Variants in L3MBTL1 observed in about 807,000 individuals in gnomAD.
L3MBTL1 encodes the protein lethal(3)malignant brain tumor-like protein 1.
L3MBTL1 carries 75 observed loss-of-function variants against 105.3 expected under a neutral mutation model. The observed-to-expected ratio is 0.71, with a 90% confidence interval of 0.59 to 0.86. The LOEUF is 0.86. L3MBTL1 is among the 40% of genes least tolerant of loss of function. The probability of loss-of-function intolerance (pLI) is 0.00; values close to 1 mark genes in which losing one functional copy is unlikely to be tolerated. For synonymous variants in L3MBTL1, 452 were observed against 436.2 expected (o/e 1.04, Z -0.45); for missense variants, 1,069 against 1,126.4 (o/e 0.95, Z 0.73).
intron 1 of L3MBTL1, among the ~76,000 whole-genome samples, chr20:43,511,714 G>A (rs1290799234): frequency 1.3e-5 from 2 of 150,340 alleles, no homozygotes; most frequent in Non-Finnish European, 2.9e-5. Flanking sequence ...CTGGGAGGCA[G>A]AGGTTGCAGT....
chr20:43,528,566 G>C lies in L3MBTL1; in HGVS notation c.863-91G>C, dbSNP rs1294032208. ...TGAACACAGACAAAGATTTGTTTTG[G>C]GGGTGAAGGTAGAGCTTGGTCAGGG... On this transcript the variant is annotated intron_variant, in intron 7 of 21. Coordinates refer to ENST00000418998, the MANE Select transcript of L3MBTL1 (RefSeq NM_001377303.1). 9.0e-6 allele frequency: 8 copies of C among 890,340 alleles called. 1 individual carries two copies. The South Asian group carries it at 1.1e-4, about 12-fold the overall frequency. The allele number at this position is 890,340 out of a possible 1,614,324, so 55.2% of individuals were successfully genotyped here. A position where few individuals can be genotyped will look rare whatever the true frequency, so the allele number is the denominator to read the frequency against.
In L3MBTL1 at chr20:43,541,193, A is replaced by G. The variant is rs1207830501; in HGVS notation, c.*65A>G. 1.3e-6 allele frequency: 2 copies of G among 1,566,162 alleles called. No homozygotes were observed. Among genetic ancestry groups the G allele is most frequent in the South Asian group, 2.4e-5 (2 of 83,870 alleles). Reference sequence around the variant, plus strand: ...TTAAAGTGTATTTTGAATGACACAGATATTGTGATTTACTGCAAGGATCCT... The same window carrying G: ...TTAAAGTGTATTTTGAATGACACAGGTATTGTGATTTACTGCAAGGATCCT... On this transcript the variant is annotated 3_prime_UTR_variant, in exon 22 of 22. Coordinates refer to ENST00000418998, the MANE Select transcript of L3MBTL1 (RefSeq NM_001377303.1).
rs754908259 is a variant in L3MBTL1 at position 43,536,179 on chromosome 20, C to A, written c.2008C>A (p.Leu670Met). 2.2e-5 allele frequency: 35 copies of A among 1,613,564 alleles called. No individual in the cohort carries two copies. Among genetic ancestry groups the A allele is most frequent in the Non-Finnish European group, 3.0e-5 (35 of 1,180,018 alleles). Residue 670 changes from leucine to methionine, a missense_variant, in exon 18 of 22, where the codon CTG (leucine) becomes ATG (methionine). Coordinates refer to ENST00000418998, the MANE Select transcript of L3MBTL1 (RefSeq NM_001377303.1). ...TAHHCLSGCP[L>M]AERNQSRLKA... Reference sequence around the variant, plus strand: ...TCACCATTGCCTCTCAGGCTGCCCACTGGCTGAGAGGAACCAGAGCCGGCT... The same window carrying A: ...TCACCATTGCCTCTCAGGCTGCCCAATGGCTGAGAGGAACCAGAGCCGGCT...
intron 7 of L3MBTL1, among the ~76,000 whole-genome samples, chr20:43,522,680 C>G (rs2018794441): frequency 6.6e-6 from 1 of 151,090 alleles, no homozygotes; most frequent in Non-Finnish European, 1.5e-5. Flanking sequence ...CCATGTTGCC[C>G]AGGCTAGTCT....
intron 5 of L3MBTL1, 64 bp downstream of exon 5, chr20:43,515,223 C>G: frequency 1.2e-6 from 2 of 1,613,730 alleles, no homozygotes. Context: ...CATTCCTGTT[C>G]AGGGGTTAGG....
chr20:43,537,791 A>G (rs554424979), intron 19 of L3MBTL1, among the ~76,000 whole-genome samples: 3 of 152,304 alleles, frequency 2.0e-5, no homozygotes, highest in East Asian at 3.9e-4. Flanking sequence ...GCGAGACCCA[A>G]GCTGTCCCAA....
chr20:43,519,243 T>G (rs1217184957), intron 7 of L3MBTL1, among the ~76,000 whole-genome samples: 1 of 145,002 alleles, frequency 6.9e-6, no homozygotes, highest in Admixed American at 7.1e-5. Context: ...AGGCTGAGGC[T>G]GGAGAATCGC....
At chr20:43,533,259 G>A (rs1387251325) in intron 12 of L3MBTL1, 83 bp from the exon 13 acceptor site, 1 of 1,228,318 alleles carries the variant, frequency 8.1e-7, no homozygotes, top group Non-Finnish European at 1.2e-6. Context: ...AGATGAGGGT[G>A]GGCCCTGAGC....
chr20:43,515,472 C>A lies in L3MBTL1; in HGVS notation c.777+57C>A. On this transcript the variant is annotated intron_variant, in intron 6 of 21. Transcript: ENST00000418998. ...AAGCTATAGCCTATGCCTCAATTCCCACTGTCCCCTCCATCAATCCAGATT... is the reference window on the plus strand; with the variant it reads ...AAGCTATAGCCTATGCCTCAATTCCAACTGTCCCCTCCATCAATCCAGATT... The A allele has an allele frequency of 1.3e-6, 2 of 1,522,384 alleles. 1 individual carries two copies. Among genetic ancestry groups the A allele is most frequent in the South Asian group, 2.4e-5 (2 of 82,524 alleles). 94.3% of individuals were successfully genotyped at this position (1,522,384 alleles called of 1,614,324 possible). A position where few individuals can be genotyped will look rare whatever the true frequency, so the allele number is the denominator to read the frequency against.
intron 7 of L3MBTL1, among the ~76,000 whole-genome samples, chr20:43,522,457 GT>G (rs1176856356): frequency 1.3e-3 from 127 of 95,860 alleles, no homozygotes; most frequent in East Asian, 5.7e-3. Flanking sequence ...TCCCTGCTAA[GT>G]TTTTTTTTTT....
At chr20:43,515,522 G>A in intron 6 of L3MBTL1, 107 bp downstream of exon 6, 4 of 1,394,374 alleles carry the variant, frequency 2.9e-6, no homozygotes, top group Non-Finnish European at 3.9e-6. Context: ...GAGAAGACAC[G>A]CATAATGACT....
In L3MBTL1 at chr20:43,523,921, G is replaced by A. The variant is rs551715557; in HGVS notation, c.863-4736G>A. ...GAGGCAGGATAATCACTTGAACCGGGGAGGCGGAGGTTGCAGTGAGCTGAG... is the reference window on the plus strand; with the variant it reads ...GAGGCAGGATAATCACTTGAACCGGAGAGGCGGAGGTTGCAGTGAGCTGAG... On this transcript the variant is annotated intron_variant, in intron 7 of 21. Transcript: ENST00000418998. 7.3e-5 allele frequency among the ~76,000 whole-genome samples: 11 copies of A among 151,436 alleles called. No individual in the cohort carries two copies. In the South Asian group the frequency reaches 2.3e-3, roughly 32 times the overall value.
intron 7 of L3MBTL1, among the ~76,000 whole-genome samples, chr20:43,527,220 T>G (rs2019078762): frequency 6.6e-6 from 1 of 152,206 alleles, no homozygotes; most frequent in Non-Finnish European, 1.5e-5. Flanking sequence ...ATGGTGGGTA[T>G]CTGCATTTCA....
chr20:43,527,240 A>C (rs889122172), intron 7 of L3MBTL1, among the ~76,000 whole-genome samples: 1 of 152,196 alleles, frequency 6.6e-6, no homozygotes, highest in Admixed American at 6.5e-5. Context: ...ACAGATGACA[A>C]AATAGAGGTG....
intron 1 of L3MBTL1, among the ~76,000 whole-genome samples, chr20:43,512,612 G>T (rs2018162519): frequency 6.6e-6 from 1 of 152,236 alleles, no homozygotes; most frequent in Non-Finnish European, 1.5e-5. Flanking sequence ...CATGTGGCTA[G>T]TGGCTACGGT....
In L3MBTL1 at chr20:43,514,078, A is replaced by T. The variant is rs1568917306; in HGVS notation, c.360+17A>T. On this transcript the variant is annotated intron_variant, in intron 3 of 21. Transcript: ENST00000418998. The stretch of plus-strand genomic sequence containing the variant: ...GGCCTGCGGGTCAGTGTCTGTGGGG[A>T]TTGGCTAAGCCTCGTAAACCGCAGC... 6.5e-7 allele frequency: 1 copy of T among 1,527,804 alleles called. No homozygotes were observed. Among genetic ancestry groups the T allele is most frequent in the South Asian group, 1.2e-5 (1 of 83,776 alleles). The allele number at this position is 1,527,804 out of a possible 1,614,324, so 94.6% of individuals were successfully genotyped here.
At position 43,514,448 on chromosome 20, in the gene L3MBTL1, C is replaced by T. The variant is rs535289740; in HGVS notation, c.361-187C>T. On this transcript the variant is annotated intron_variant, in intron 3 of 21. Transcript: ENST00000418998. ...ACCCTGGGACTGGACCCCGCAGGTG[C>T]TTGGGGGCGTAGCCTGGAGTGAGGG... 3.4e-5 allele frequency: 50 copies of T among 1,490,626 alleles called. No individual in the cohort carries two copies. The African/African-American group carries it at 5.3e-4, about 16-fold the overall frequency. 92.3% of individuals were successfully genotyped at this position (1,490,626 alleles called of 1,614,324 possible). A position where few individuals can be genotyped will look rare whatever the true frequency, so the allele number is the denominator to read the frequency against.
chr20:43,535,808 T>G, intron 16 of L3MBTL1, 29 bp from the exon 17 acceptor site: 1 of 1,477,754 alleles, frequency 6.8e-7, no homozygotes, highest in Non-Finnish European at 9.2e-7. Flanking sequence ...CAGGACTCCA[T>G]GAGGACCGCC....
At chr20:43,537,653 A>G (rs1283754386) in intron 19 of L3MBTL1, among the ~76,000 whole-genome samples, 1 of 152,136 alleles carries the variant, frequency 6.6e-6, no homozygotes, top group East Asian at 1.9e-4. Context: ...TAGGTGGTGA[A>G]TTCATCTTAC....
Sources: allele counts gnomAD v4.1 joint callset (sites outside exome capture counted in the v4.1 genomes callset), GRCh38; gene constraint gnomAD v4.1.1; transcripts MANE v1.5; gene names NCBI Gene and HGNC (gene_info 2026-07-23, HGNC 2026-07-21).